The following PDE4A variants were observed in gnomAD, a reference collection of about 807,000 sequenced individuals.
PDE4A encodes phosphodiesterase 4A, also known as 3',5'-cyclic-AMP phosphodiesterase 4A.
A neutral mutation model predicts 73.9 loss-of-function variants in PDE4A; 21 were observed. That is an observed-to-expected ratio of 0.28 (90% CI 0.20 to 0.41). The LOEUF is 0.41. Among genes scored for constraint, PDE4A ranks in the 10% least tolerant of loss-of-function variants. The pLI is 1.00. For missense variants in PDE4A, 958 were observed against 1,211.4 expected (o/e 0.79, Z 3.10); for synonymous variants, 463 against 505.4 (o/e 0.92, Z 1.13).
rs1334904410 is a variant in PDE4A at position 10,424,830 on chromosome 19, C to T, written c.320+3746C>T. 6.6e-6 allele frequency among the ~76,000 whole-genome samples: 1 copy of T among 152,222 alleles called. No homozygotes were observed. Among genetic ancestry groups the T allele is most frequent in the Non-Finnish European group, 1.5e-5 (1 of 68,040 alleles). On this transcript the variant is annotated intron_variant, in intron 1 of 14. Coordinates refer to ENST00000380702, the MANE Select transcript of PDE4A (RefSeq NM_001111307.2). This position sits in a 1 kb window ranked among gnomAD's most constrained non-coding sequence, Gnocchi z 4.8. ...GCCTCTGCGCGCTTGCCCGGCAGGCCGGTGAACCCCAGCATCCTTGGCTCT... is the reference window on the plus strand; with the variant it reads ...GCCTCTGCGCGCTTGCCCGGCAGGCTGGTGAACCCCAGCATCCTTGGCTCT...
chr19:10,460,935 A>T (rs1446789328), intron 10 of PDE4A, 69 bp from the exon 11 acceptor site: 1 of 1,509,704 alleles, frequency 6.6e-7, no homozygotes, highest in Non-Finnish European at 9.0e-7. Flanking sequence ...AGTAGGTGAG[A>T]CAAACAGGTG....
upstream of PDE4A, among the ~76,000 whole-genome samples, chr19:10,418,215 TCTC>T (rs2042606836): frequency 1.3e-5 from 2 of 152,298 alleles, no homozygotes; most frequent in South Asian, 4.1e-4. Flanking sequence ...TCAGGTTTCT[TCTC>T]CGCCTTGAAG....
At position 10,467,403 on chromosome 19, in the gene PDE4A, G is replaced by A; in HGVS notation, c.2443G>A (p.Ala815Thr). The A allele has an allele frequency of 1.9e-6, 3 of 1,614,064 alleles. No individual in the cohort carries two copies. Among genetic ancestry groups the A allele is most frequent in the Non-Finnish European group, 2.5e-6 (3 of 1,179,960 alleles). ...AVSHSSPSAL[A>T]LQSPLLPAWR... ...AAGCCACAGCAGCCCCTCTGCCCTG[G>A]CTCTTCAAAGCCCCCTTCTCCCTGC... Residue 815 changes from alanine (A) to threonine (T), a missense_variant, in exon 15 of 15, where the codon GCT becomes ACT. Ala to Thr is a moderately conservative substitution (Grantham distance 58). Coordinates refer to ENST00000380702, the MANE Select transcript of PDE4A (RefSeq NM_001111307.2).
At chr19:10,460,971 CTG>C in intron 10 of PDE4A, 31 bp from the exon 11 acceptor site, 4 of 1,596,396 alleles carry the variant, frequency 2.5e-6, no homozygotes, top group Non-Finnish European at 3.4e-6. Flanking sequence ...GGCTTCAACT[CTG>C]TTATTCTAAC....
intron 10 of PDE4A, among the ~76,000 whole-genome samples, chr19:10,460,654 C>T (rs1359543974): frequency 4.0e-5 from 6 of 151,706 alleles, no homozygotes; most frequent in Admixed American, 2.6e-4. Context: ...AAAAATTAGC[C>T]GGGCGTGGTG....
chr19:10,437,910 T>C (rs1453216706), intron 1 of PDE4A, among the ~76,000 whole-genome samples: 1 of 150,744 alleles, frequency 6.6e-6, no homozygotes, highest in Non-Finnish European at 1.5e-5. Context: ...GCTCAGGTGA[T>C]CCTCCCACCT....
At chr19:10,422,992 T>A in intron 1 of PDE4A, 1 of 453,238 alleles carries the variant, frequency 2.2e-6, no homozygotes, top group Non-Finnish European at 2.9e-6. Flanking sequence ...TGAGTGGTAA[T>A]AATCATCATT....
Position 10,421,095 on chromosome 19 carries a change from C to A in PDE4A, c.320+11C>A. The A allele has an allele frequency of 7.3e-7, 1 of 1,363,154 alleles. No homozygotes were observed. Among genetic ancestry groups the A allele is most frequent in the Non-Finnish European group, 9.4e-7 (1 of 1,066,220 alleles). The allele number at this position is 1,363,154 out of a possible 1,614,324, so 84.4% of individuals were successfully genotyped here. On this transcript the variant is annotated intron_variant, in intron 1 of 14. Coordinates refer to ENST00000380702, the MANE Select transcript of PDE4A (RefSeq NM_001111307.2). ...AGGCAGCAGCAGGCGGTAAGACTCC[C>A]CGCGGCGGATGCGCGCGGAACGGAT...
chr19:10,417,284 T>C, upstream of PDE4A: 1 of 983,276 alleles, frequency 1.0e-6, no homozygotes. Flanking sequence ...GTCTCAGATG[T>C]GAGGGATGGG....
rs1599398853 is a variant in PDE4A, at chr19:10,424,645, G to T, written c.320+3561G>T. ...GAGCGTCCTGGAGAGCGGGCGCCAG[G>T]CCGGCTGACCGCAGGCTGCGTGTGG... On this transcript the variant is annotated intron_variant, in intron 1 of 14. Transcript: ENST00000380702. This position sits in a 1 kb window ranked among gnomAD's most constrained non-coding sequence, Gnocchi z 4.8. Among the ~76,000 whole-genome samples the T allele has an allele frequency of 6.6e-6, 1 of 152,266 alleles. No individual in the cohort carries two copies. The highest frequency in any genetic ancestry group is 2.4e-5 in the African/African-American group (1 of 41,470).
chr19:10,423,034 A>C, intron 1 of PDE4A: 1 of 871,200 alleles, frequency 1.1e-6, no homozygotes, highest in Non-Finnish European at 1.4e-6. Context: ...GCAATGGCTC[A>C]CCCTCCGGCT....
At chr19:10,454,445 G>T (rs1203557246) in intron 6 of PDE4A, among the ~76,000 whole-genome samples, 1 of 152,228 alleles carries the variant, frequency 6.6e-6, no homozygotes, top group African/African-American at 2.4e-5. Flanking sequence ...GCTGGTTGGA[G>T]GGGGAGTTGC....
At position 10,467,532 on chromosome 19, in the gene PDE4A, G is replaced by A; in HGVS notation, c.2572G>A (p.Ala858Thr). The change falls in exon 15 of 15, where the codon GCT becomes ACT. Residue 858 changes from alanine (A) to threonine (T), a missense_variant. Ala to Thr is a moderately conservative substitution (Grantham distance 58). Coordinates refer to ENST00000380702, the MANE Select transcript of PDE4A (RefSeq NM_001111307.2). ...AQREHQAAKR[A>T]CSACAGTFGE... The stretch of plus-strand genomic sequence containing the variant: ...ACGAGAGCACCAGGCTGCCAAGAGG[G>A]CTTGCAGTGCCTGCGCAGGGACATT... 1 of 1,612,458 alleles carries A rather than the reference G, an allele frequency of 6.2e-7. No individual in the cohort carries two copies. The highest frequency in any genetic ancestry group is 8.5e-7 in the Non-Finnish European group (1 of 1,179,684).
intron 2 of PDE4A, among the ~76,000 whole-genome samples, chr19:10,448,567 C>T (rs541086892): frequency 1.3e-5 from 2 of 150,314 alleles, no homozygotes; most frequent in Admixed American, 1.3e-4. Flanking sequence ...ACCTGGGAGG[C>T]GGAGGTTGCA....
At chr19:10,442,142 A>G (rs967699464) in intron 1 of PDE4A, among the ~76,000 whole-genome samples, 1 of 152,026 alleles carries the variant, frequency 6.6e-6, no homozygotes, top group Non-Finnish European at 1.5e-5. Context: ...GGAGAGGGAG[A>G]GAGGATAGGA....
intron 1 of PDE4A, chr19:10,432,701 A>C: frequency 2.4e-6 from 2 of 829,764 alleles, no homozygotes; most frequent in Non-Finnish European, 1.8e-6. Flanking sequence ...CTGGGGCCCC[A>C]CCCCCTTTCC....
chr19:10,437,144 T>C (rs1017230068), intron 1 of PDE4A, among the ~76,000 whole-genome samples: 1 of 152,124 alleles, frequency 6.6e-6, no homozygotes, highest in African/African-American at 2.4e-5. Context: ...TTTTTGTTTG[T>C]TTGTTTTTTG....
intron 1 of PDE4A, chr19:10,421,314 C>A (rs1322146721): frequency 1.0e-6 from 1 of 985,116 alleles, no homozygotes; most frequent in Non-Finnish European, 1.2e-6. Flanking sequence ...CGCCACGCTG[C>A]GCGTGGTGTT....
rs201391304 is a variant in PDE4A, at chr19:10,463,980, A to G, written c.1926+5A>G. The G allele has an allele frequency of 1.5e-5, 25 of 1,614,042 alleles. No homozygotes were observed. The African/African-American group carries it at 2.4e-4, about 15-fold the overall frequency. On this transcript the variant is annotated splice_donor_5th_base_variant and intron_variant, in intron 14 of 14. Coordinates refer to ENST00000380702, the MANE Select transcript of PDE4A (RefSeq NM_001111307.2). The stretch of plus-strand genomic sequence containing the variant: ...GCCTCCGTGGAGAAGTCTCAGGTAC[A>G]GGCTCGGGGCATTGATGGACGGGCA...
Sources: gnomAD v4.1 joint callset for allele counts (sites outside exome capture counted in the v4.1 genomes callset) on GRCh38, gnomAD v4.1.1 for gene constraint, Gnocchi (gnomAD v3.1) non-coding constraint, MANE v1.5 for transcripts, NCBI Gene and HGNC (gene_info 2026-07-23, HGNC 2026-07-21) for gene names.